The following HS3ST4 variants were observed in gnomAD, a reference collection of about 807,000 sequenced individuals.
HS3ST4 encodes heparan sulfate-glucosamine 3-sulfotransferase 4.
HS3ST4 carries 17 observed loss-of-function variants against 29.2 expected under a neutral mutation model. The observed-to-expected ratio is 0.58, with a 90% CI of 0.40 to 0.87. The LOEUF (loss-of-function observed/expected upper bound fraction) is 0.87, where lower values mean the gene tolerates loss of function less well. Among genes scored for constraint, HS3ST4 ranks in the 40% least tolerant of loss-of-function variants. HS3ST4 has a pLI of 0.00. For missense variants in HS3ST4, 627 were observed against 634.5 expected (o/e 0.99, Z 0.13); for synonymous variants, 314 against 285.7 (o/e 1.10, Z -1.00).
intron 1 of HS3ST4, among the ~76,000 whole-genome samples, chr16:25,839,801 A>AATTTT (rs1161264614): frequency 6.6e-6 from 1 of 152,116 alleles, no homozygotes; most frequent in African/African-American, 2.4e-5. Flanking sequence ...AAGAACATCT[A>AATTTT]ATTTTATTGT....
At position 25,857,358 on chromosome 16, in the gene HS3ST4, G is replaced by A. The variant is rs139196907; in HGVS notation, c.734+164207G>A. On this transcript the variant is annotated intron_variant, in intron 1 of 1. Transcript: ENST00000331351. ...ATCTAAGAAAAGACATTGATTATCA[G>A]TTTGTTCAACTTTTCTGTTGTTGGA... is the stretch of plus-strand genomic sequence containing the variant. 3.0e-3 allele frequency among the ~76,000 whole-genome samples: 463 copies of A among 152,250 alleles called. 1 individual carries two copies. Among genetic ancestry groups the A allele is most frequent in the African/African-American group, 0.011 (445 of 41,548 alleles).
At chr16:26,054,269 G>GGAGAAA (rs1555481159) in intron 1 of HS3ST4, among the ~76,000 whole-genome samples, 6 of 133,646 alleles carry the variant, frequency 4.5e-5, no homozygotes, top group African/African-American at 1.7e-4. Flanking sequence ...ACAGAGAGAG[G>GGAGAAA]GAGAGAGAGA....
intron 1 of HS3ST4, among the ~76,000 whole-genome samples, chr16:25,811,766 G>A (rs531252786): frequency 6.6e-6 from 1 of 152,008 alleles, no homozygotes; most frequent in Non-Finnish European, 1.5e-5. Flanking sequence ...TTACTTTATT[G>A]TAAGAATACA....
chr16:25,717,554 T>TGTGTGTGTGTG (rs1966464044), intron 1 of HS3ST4, among the ~76,000 whole-genome samples: 1 of 122,272 alleles, frequency 8.2e-6, no homozygotes, highest in Non-Finnish European at 1.7e-5. Flanking sequence ...TGTGTGTGTG[T>TGTGTGTGTGTG]TTGGCAATCC....
At chr16:25,904,161 T>TG (rs1567269002) in intron 1 of HS3ST4, among the ~76,000 whole-genome samples, 1 of 88,256 alleles carries the variant, frequency 1.1e-5, no homozygotes, top group Non-Finnish European at 2.2e-5. Context: ...GATGAATGGA[T>TG]GAATGGATGG....
chr16:25,827,887 C>T (rs542983918), intron 1 of HS3ST4, among the ~76,000 whole-genome samples: 4 of 152,106 alleles, frequency 2.6e-5, no homozygotes, highest in East Asian at 1.9e-4. Context: ...TCACAAGCTA[C>T]GGAGCTAGCA....
At chr16:26,011,676 TTGTGTG>T (rs375796518) in intron 1 of HS3ST4, among the ~76,000 whole-genome samples, 1 of 133,370 alleles carries the variant, frequency 7.5e-6, no homozygotes, top group African/African-American at 3.3e-5. Context: ...AGGTATATGT[TTGTGTG>T]TGTGTGTGTG....
At chr16:26,078,848 G>A (rs1020076570) in intron 1 of HS3ST4, among the ~76,000 whole-genome samples, 3 of 152,148 alleles carry the variant, frequency 2.0e-5, no homozygotes, top group South Asian at 4.1e-4. Flanking sequence ...AAAATTCCAC[G>A]GCTGAATGAA....
At chr16:25,985,416 A>G (rs1448182866) in intron 1 of HS3ST4, among the ~76,000 whole-genome samples, 1 of 152,250 alleles carries the variant, frequency 6.6e-6, no homozygotes, top group East Asian at 1.9e-4. Context: ...AGGGTACAAA[A>G]ATATCCCAGA....
chr16:26,053,302 CT>C (rs569282911), intron 1 of HS3ST4, among the ~76,000 whole-genome samples: 68 of 152,318 alleles, frequency 4.5e-4, no homozygotes, highest in Middle Eastern at 3.4e-3. Context: ...ATTCTGAATG[CT>C]TATCACAGCA....
chr16:25,843,341 G>A (rs1335554230), intron 1 of HS3ST4, among the ~76,000 whole-genome samples: 34 of 152,228 alleles, frequency 2.2e-4, no homozygotes, highest in Non-Finnish European at 2.8e-4. Context: ...ACAGCATGAT[G>A]GTCTCAGGGA....
At chr16:25,879,500 G>C (rs144052907) in intron 1 of HS3ST4, among the ~76,000 whole-genome samples, 74 of 152,004 alleles carry the variant, frequency 4.9e-4, no homozygotes, top group African/African-American at 1.7e-3. Flanking sequence ...GGAAATTCCC[G>C]TTTTTAAAAC....
At position 25,692,753 on chromosome 16, in the gene HS3ST4, C is replaced by T. The variant is rs1055742553; in HGVS notation, c.336C>T (p.Pro112=). The T allele has an allele frequency of 5.4e-6, 7 of 1,304,058 alleles. No individual in the cohort carries two copies. The highest frequency in any genetic ancestry group is 5.1e-5 in the South Asian group (2 of 39,250). The allele number at this position is 1,304,058 out of a possible 1,614,324, so 80.8% of individuals were successfully genotyped here. A position where few individuals can be genotyped will look rare whatever the true frequency, so the allele number is the denominator to read the frequency against. The part of the protein sequence containing the change: ...PLDNASHGEP[P]EPPEQPAAPG... ...ACAACGCGAGCCACGGGGAGCCGCC[C>T]GAGCCCCCAGAGCAGCCAGCCGCCC... Residue 112 remains proline (P), a synonymous_variant, in exon 1 of 2, where the codon CCC becomes CCT. Coordinates refer to ENST00000331351, the MANE Select transcript of HS3ST4 (RefSeq NM_006040.3).
intron 1 of HS3ST4, among the ~76,000 whole-genome samples, chr16:25,727,349 TCTG>T (rs1320975307): frequency 6.6e-6 from 1 of 152,134 alleles, no homozygotes; most frequent in Non-Finnish European, 1.5e-5. Flanking sequence ...ATCTCCAAGA[TCTG>T]CTGTTGAAGA....
At chr16:26,071,388 G>A (rs1296995785) in intron 1 of HS3ST4, among the ~76,000 whole-genome samples, 1 of 152,112 alleles carries the variant, frequency 6.6e-6, no homozygotes, top group Non-Finnish European at 1.5e-5. Flanking sequence ...GAAGCAAGGG[G>A]TTGAGGAATC....
chr16:25,932,066 G>C (rs1968469314), intron 1 of HS3ST4, among the ~76,000 whole-genome samples: 2 of 152,182 alleles, frequency 1.3e-5, no homozygotes, highest in Non-Finnish European at 2.9e-5. Flanking sequence ...TGTAATCCCA[G>C]CACTTTGAGA....
At chr16:26,008,952 A>G (rs979222811) in intron 1 of HS3ST4, among the ~76,000 whole-genome samples, 1 of 152,232 alleles carries the variant, frequency 6.6e-6, no homozygotes, top group African/African-American at 2.4e-5. Flanking sequence ...CACGCCTAGC[A>G]TGCTGGTGCT....
At chr16:25,979,993 G>C (rs1002541094) in intron 1 of HS3ST4, among the ~76,000 whole-genome samples, 2 of 152,004 alleles carry the variant, frequency 1.3e-5, no homozygotes, top group African/African-American at 2.4e-5. Flanking sequence ...CAACCACTTC[G>C]GATCCTATCA....
At chr16:25,761,997 A>G (rs60462320) in intron 1 of HS3ST4, among the ~76,000 whole-genome samples, 22,319 of 152,086 alleles carry the variant, frequency 0.15, 1,773 homozygotes, top group African/African-American at 0.21. Context: ...CCCCACTCAG[A>G]GCAAAGATGA....
Sources: gnomAD v4.1 joint callset for allele counts (sites outside exome capture counted in the v4.1 genomes callset) on GRCh38, gnomAD v4.1.1 for gene constraint, MANE v1.5 for transcripts, NCBI Gene and HGNC (gene_info 2026-07-23, HGNC 2026-07-21) for gene names.